ANKRD30B: variants seen among roughly 807,000 people sequenced by gnomAD.
ANKRD30B encodes ankyrin repeat domain 30B.
Under a neutral mutation model 202.2 loss-of-function variants are expected in ANKRD30B, and 144 were observed. The ratio of observed to expected loss-of-function variants is 0.71; its 90% CI spans 0.62 to 0.82. ANKRD30B has a LOEUF of 0.82. ANKRD30B is among the 40% of genes least tolerant of loss of function. The pLI is 0.00. For synonymous variants in ANKRD30B, 508 were observed against 561.3 expected (o/e 0.91, Z 1.34); for missense variants, 1,487 against 1,669.1 (o/e 0.89, Z 1.90).
chr18:14,899,563 A>G, the ANKRD30B span, among the ~76,000 whole-genome samples: 1 of 152,136 alleles, frequency 6.6e-6, no homozygotes, highest in African/African-American at 2.4e-5. Flanking sequence ...TTGCAGGGGT[A>G]GAGAGTCATT....
intron 3 of ANKRD30B, among the ~76,000 whole-genome samples, 154 bp downstream of exon 3, chr18:14,753,166 A>T (rs925876557): frequency 1.3e-5 from 2 of 152,182 alleles, no homozygotes; most frequent in African/African-American, 4.8e-5. Context: ...TTAAATATTA[A>T]TTTTTTAAAA....
the ANKRD30B span, among the ~76,000 whole-genome samples, chr18:14,911,381 G>T: frequency 6.6e-6 from 1 of 152,032 alleles, no homozygotes; most frequent in Non-Finnish European, 1.5e-5. Context: ...TGAATACAGT[G>T]TCTTTTCTCC....
chr18:14,759,012 T>G lies in ANKRD30B; in HGVS notation c.755+1060T>G, dbSNP rs1914838055. On this transcript the variant is annotated intron_variant, in intron 5 of 43. Coordinates refer to ENST00000690538, the MANE Select transcript of ANKRD30B (RefSeq NM_001367607.2). ...TCAAGTGATTCCCTTTTCCTGAAAG[T>G]AAAAATCTTCCATGTTACTTGCATC... Among the ~76,000 whole-genome samples the G allele has an allele frequency of 3.3e-5, 5 of 152,266 alleles. No homozygotes were observed. The South Asian group carries it at 1.0e-3, about 32-fold the overall frequency.
chr18:14,913,589 A>G, the ANKRD30B span, among the ~76,000 whole-genome samples: 1 of 152,254 alleles, frequency 6.6e-6, no homozygotes, highest in Admixed American at 6.5e-5. Flanking sequence ...CATCAGTTAG[A>G]GGCTTATTAC....
rs1967609518 is a variant in ANKRD30B, at chr18:14,779,881, TG to T, written c.1421-78del. 4 of 1,004,034 alleles carry T rather than the reference TG, an allele frequency of 4.0e-6. No homozygotes were observed. The South Asian group carries it at 6.3e-5, about 16-fold the overall frequency. The allele number at this position is 1,004,034 out of a possible 1,614,324, so 62.2% of individuals were successfully genotyped here. The stretch of plus-strand genomic sequence containing the variant: ...AGAAGAAAGTCCACAGATTCATGAA[TG>T]AAAATAGATTTGTATATGTTTTTAA... On this transcript the variant is annotated intron_variant, in intron 10 of 43. Transcript: ENST00000690538.
intron 39 of ANKRD30B, among the ~76,000 whole-genome samples, chr18:14,847,734 C>CA (rs1362435312): frequency 2.6e-5 from 4 of 151,696 alleles, no homozygotes; most frequent in Admixed American, 2.6e-4. Flanking sequence ...ACACCTGAGG[C>CA]AAGGCCTTTC....
At chr18:14,891,822 T>C in the ANKRD30B span, among the ~76,000 whole-genome samples, 2 of 152,220 alleles carry the variant, frequency 1.3e-5, no homozygotes, top group Admixed American at 1.3e-4. Flanking sequence ...ACAGCTTCAT[T>C]GCATTAAAGG....
intron 4 of ANKRD30B, among the ~76,000 whole-genome samples, chr18:14,756,953 C>T (rs771262670): frequency 7.2e-5 from 11 of 152,114 alleles, no homozygotes; most frequent in East Asian, 3.9e-4. Context: ...GTCTTTAGGA[C>T]GACTATTTGC....
At chr18:14,897,624 G>A in the ANKRD30B span, among the ~76,000 whole-genome samples, 1 of 152,034 alleles carries the variant, frequency 6.6e-6, no homozygotes, top group African/African-American at 2.4e-5. Context: ...TTAAATATCT[G>A]CTAATCTGTA....
intron 30 of ANKRD30B, among the ~76,000 whole-genome samples, chr18:14,821,721 G>T (rs1209331764): frequency 1.3e-5 from 2 of 152,142 alleles, no homozygotes; most frequent in East Asian, 1.9e-4. Context: ...GGCTTCCAAG[G>T]TTCTGGAGTT....
chr18:14,825,946 A>G (rs1274598180), intron 32 of ANKRD30B, among the ~76,000 whole-genome samples: 1 of 152,132 alleles, frequency 6.6e-6, no homozygotes, highest in Non-Finnish European at 1.5e-5. Flanking sequence ...AGGAGTAAGA[A>G]ATTGTCAGGT....
chr18:14,834,573 T>C (rs1445364530), intron 34 of ANKRD30B, among the ~76,000 whole-genome samples: 2 of 151,968 alleles, frequency 1.3e-5, no homozygotes, highest in Non-Finnish European at 2.9e-5. Flanking sequence ...TCAGGTGTTT[T>C]TGAGTGACTT....
chr18:14,764,037 C>A lies in ANKRD30B; in HGVS notation c.1172C>A (p.Ser391Tyr). Residue 391 changes from serine to tyrosine, a missense_variant, in exon 7 of 44, where the codon TCT (serine) becomes TAT (tyrosine). Physicochemically the swap from Ser to Tyr is moderately radical, Grantham distance 144 (BLOSUM62 -2). This residue lies in a region of ANKRD30B where 889 missense variants were observed against 841.4 expected (regional missense o/e 1.06). Coordinates refer to ENST00000690538, the MANE Select transcript of ANKRD30B (RefSeq NM_001367607.2). ...ACTGAAGTTTTGGAAAAAGGAACATCTAATATGATTGCATGTCCTACAAAA... is the reference window on the plus strand; with the variant it reads ...ACTGAAGTTTTGGAAAAAGGAACATATAATATGATTGCATGTCCTACAAAA... ...NKTEVLEKGT[S>Y]NMIACPTKET... 1 of 1,564,822 alleles carries A rather than the reference C, an allele frequency of 6.4e-7. No homozygotes were observed. The highest frequency in any genetic ancestry group is 8.6e-7 in the Non-Finnish European group (1 of 1,162,136).
chr18:14,882,062 C>T, the ANKRD30B span, among the ~76,000 whole-genome samples: 1 of 151,992 alleles, frequency 6.6e-6, no homozygotes, highest in East Asian at 1.9e-4. Context: ...CAACTTTTTG[C>T]TTTATTTATG....
At chr18:14,863,370 G>T in the ANKRD30B span, among the ~76,000 whole-genome samples, 157 of 152,238 alleles carry the variant, frequency 1.0e-3, 2 homozygotes, top group South Asian at 0.031. Flanking sequence ...AGAGCTGGTT[G>T]TTTAAAACAG....
chr18:14,902,121 C>T, the ANKRD30B span, among the ~76,000 whole-genome samples: 6 of 152,128 alleles, frequency 3.9e-5, no homozygotes, highest in South Asian at 2.1e-4. Flanking sequence ...TTCACTACCA[C>T]GAGAACAGTA....
At chr18:14,782,642 C>A (rs1324658920) in intron 12 of ANKRD30B, 28 bp downstream of exon 12, 1 of 1,447,916 alleles carries the variant, frequency 6.9e-7, no homozygotes, top group Non-Finnish European at 9.4e-7. Flanking sequence ...TTTGAAAAGT[C>A]TTTTAACCAT....
At chr18:14,927,455 A>G in the ANKRD30B span, among the ~76,000 whole-genome samples, 2 of 152,192 alleles carry the variant, frequency 1.3e-5, no homozygotes, top group Non-Finnish European at 2.9e-5. Context: ...CATTCAATGC[A>G]TCTTACTGTG....
At chr18:14,859,204 C>T (rs1972144347), downstream of ANKRD30B, among the ~76,000 whole-genome samples, 1 of 80,224 alleles carries the variant, frequency 1.2e-5, no homozygotes, top group Non-Finnish European at 2.5e-5. Flanking sequence ...CCTCACCTCC[C>T]AGATGATGGG....
Sources: allele counts gnomAD v4.1 joint callset (sites outside exome capture counted in the v4.1 genomes callset), GRCh38; gene constraint gnomAD v4.1.1; regional missense constraint gnomAD v4.1.1; transcripts MANE v1.5; gene names NCBI Gene and HGNC (gene_info 2026-07-23, HGNC 2026-07-21).